STX8: variants seen among roughly 807,000 people sequenced by gnomAD.
STX8 encodes syntaxin-8.
Under a neutral mutation model 37.5 loss-of-function variants are expected in STX8, and 23 were observed. The ratio of observed to expected loss-of-function variants is 0.61; its 90% CI spans 0.44 to 0.87. The LOEUF (loss-of-function observed/expected upper bound fraction) is 0.87. STX8 is among the 40% of genes least tolerant of loss of function. STX8 has a pLI of 0.00. For missense variants in STX8, 313 were observed against 284.7 expected (o/e 1.10, Z -0.71); for synonymous variants, 115 against 99.1 (o/e 1.16, Z -0.95).
chr17:9,498,404 A>C (rs904854085), intron 5 of STX8, among the ~76,000 whole-genome samples: 6 of 151,940 alleles, frequency 3.9e-5, no homozygotes, highest in African/African-American at 1.4e-4. Context: ...AAAAAAAACA[A>C]AAGAAAAGAA....
At chr17:9,295,983 G>A (rs545088320) in intron 7 of STX8, among the ~76,000 whole-genome samples, 20 of 152,100 alleles carry the variant, frequency 1.3e-4, no homozygotes, top group African/African-American at 4.3e-4. Context: ...GAGGTCAGGA[G>A]ATTGAGACCA....
chr17:9,394,557 G>A (rs751104196), intron 6 of STX8, among the ~76,000 whole-genome samples: 1 of 151,196 alleles, frequency 6.6e-6, no homozygotes, highest in South Asian at 2.1e-4. Context: ...TAGAGATGGG[G>A]TTTCACTATG....
chr17:9,359,526 G>A (rs1204157565), intron 7 of STX8, among the ~76,000 whole-genome samples: 1 of 45,786 alleles, frequency 2.2e-5, no homozygotes, highest in Non-Finnish European at 4.2e-5. Flanking sequence ...TTTTTTTTTT[G>A]GGACAGAGTC....
intron 4 of STX8, among the ~76,000 whole-genome samples, chr17:9,514,858 C>G (rs9909169): frequency 6.7e-6 from 1 of 150,314 alleles, no homozygotes; most frequent in African/African-American, 2.4e-5. Flanking sequence ...AGACAGAAGG[C>G]AGAAACTGAA....
At chr17:9,485,082 A>G (rs151055848) in intron 6 of STX8, among the ~76,000 whole-genome samples, 16 of 152,172 alleles carry the variant, frequency 1.1e-4, no homozygotes, top group Admixed American at 2.6e-4. Context: ...TAAGCCCAGG[A>G]ATTCAAGTCC....
intron 7 of STX8, among the ~76,000 whole-genome samples, chr17:9,375,986 G>T (rs1016458139): frequency 6.6e-6 from 1 of 152,148 alleles, no homozygotes; most frequent in African/African-American, 2.4e-5. Flanking sequence ...GGAAAGCTGG[G>T]GGAGGTGGCC....
At chr17:9,280,088 G>A (rs192230271) in intron 7 of STX8, among the ~76,000 whole-genome samples, 3 of 152,288 alleles carry the variant, frequency 2.0e-5, no homozygotes, top group Admixed American at 2.0e-4. Context: ...AGGCGTGGTG[G>A]TGCACGCCTC....
chr17:9,424,420 GCAAA>G (rs1913551674), intron 6 of STX8, among the ~76,000 whole-genome samples: 2 of 151,990 alleles, frequency 1.3e-5, no homozygotes, highest in African/African-American at 4.8e-5. Flanking sequence ...CTGTCAACAG[GCAAA>G]CAGTCAACCC....
chr17:9,402,070 T>C (rs1388639788), intron 6 of STX8, among the ~76,000 whole-genome samples: 2 of 151,998 alleles, frequency 1.3e-5, no homozygotes, highest in Non-Finnish European at 2.9e-5. Context: ...TCTGATTATA[T>C]GTACGTTTTC....
intron 7 of STX8, among the ~76,000 whole-genome samples, chr17:9,324,118 T>TCA (rs1909671076): frequency 3.7e-5 from 5 of 133,852 alleles, no homozygotes; most frequent in African/African-American, 1.5e-4. Context: ...TGTCTCTCTC[T>TCA]CTCTCTCTCA....
chr17:9,487,071 C>A (rs764174515), intron 6 of STX8, among the ~76,000 whole-genome samples: 2 of 152,150 alleles, frequency 1.3e-5, no homozygotes, highest in East Asian at 3.8e-4. Context: ...TCCATTTCCT[C>A]GCTTGGCTTG....
intron 5 of STX8, among the ~76,000 whole-genome samples, chr17:9,503,953 G>A (rs1049067426): frequency 7.9e-5 from 12 of 151,932 alleles, no homozygotes; most frequent in African/African-American, 2.9e-4. Context: ...TAGTAGAGAC[G>A]GCGTTTCACC....
chr17:9,571,013 G>A (rs962523408), intron 1 of STX8, among the ~76,000 whole-genome samples: 19 of 152,014 alleles, frequency 1.2e-4, no homozygotes, highest in African/African-American at 4.6e-4. Flanking sequence ...CTGGAAGCCT[G>A]TTAAGTATAA....
chr17:9,526,943 G>A (rs1004148212), intron 4 of STX8, among the ~76,000 whole-genome samples: 9 of 151,758 alleles, frequency 5.9e-5, no homozygotes, highest in Non-Finnish European at 1.0e-4. Flanking sequence ...ATTTTGGGAG[G>A]CCGAGGCGGG....
chr17:9,563,476 G>A (rs1299886968), intron 2 of STX8, among the ~76,000 whole-genome samples: 2 of 152,118 alleles, frequency 1.3e-5, no homozygotes, highest in South Asian at 2.1e-4. Flanking sequence ...GAGTCACCGC[G>A]CCTGGCCCGA....
chr17:9,485,311 G>T (rs959827124), intron 6 of STX8, among the ~76,000 whole-genome samples: 4 of 152,098 alleles, frequency 2.6e-5, no homozygotes, highest in African/African-American at 9.7e-5. Flanking sequence ...TGACAGGACA[G>T]GACAGGACTC....
rs972471091 is a variant in STX8, at chr17:9,338,048, ATTTTTTTTTTTT to A, written c.643+40492_643+40503del. On this transcript the variant is annotated intron_variant, in intron 7 of 7. Transcript: ENST00000306357. ...GAGGGCTTTGGGGCACCTCTGAAGG[ATTTTTTTTTTTT>A]TTTTTTTTTTGAGATGGAGTCTCAC... is the stretch of plus-strand genomic sequence containing the variant. Among the ~76,000 whole-genome samples, 117 of 107,902 alleles carry A rather than the reference ATTTTTTTTTTTT, an allele frequency of 1.1e-3. 2 individuals carry two copies. In the East Asian group the frequency reaches 0.015, roughly 14 times the overall value. 70.8% of individuals were successfully genotyped at this position (107,902 alleles called of 152,430 possible). A position where few individuals can be genotyped will look rare whatever the true frequency, so the allele number is the denominator to read the frequency against.
At chr17:9,293,388 C>T (rs1908389078) in intron 7 of STX8, among the ~76,000 whole-genome samples, 1 of 152,072 alleles carries the variant, frequency 6.6e-6, no homozygotes, top group African/African-American at 2.4e-5. Flanking sequence ...GCAGCCACTG[C>T]CTTACACGGC....
At chr17:9,271,259 G>A (rs1046352835) in intron 7 of STX8, among the ~76,000 whole-genome samples, 1 of 151,914 alleles carries the variant, frequency 6.6e-6, no homozygotes, top group Admixed American at 6.6e-5. Flanking sequence ...TTTGAGACCA[G>A]CCTGGCCAAC....
Sources: gnomAD v4.1 joint callset for allele counts (sites outside exome capture counted in the v4.1 genomes callset) on GRCh38, gnomAD v4.1.1 for gene constraint, MANE v1.5 for transcripts, NCBI Gene and HGNC (gene_info 2026-07-23, HGNC 2026-07-21) for gene names.